The following TSC22D1 variants were observed in gnomAD, a reference collection of about 807,000 sequenced individuals.
TSC22D1 encodes TSC22 domain family member 1, also known as TSC22 domain family protein 1.
TSC22D1 carries 9 observed loss-of-function variants against 74.2 expected under a neutral mutation model. The observed-to-expected ratio is 0.12, with a 90% CI of 0.07 to 0.21. The LOEUF is 0.21. Ranked by LOEUF, TSC22D1 falls within the 10% of genes least tolerant of loss-of-function variation. The pLI is 1.00. For missense variants in TSC22D1, 1,427 were observed against 1,304.7 expected (o/e 1.09, Z -1.44); for synonymous variants, 586 against 492.5 (o/e 1.19, Z -2.51).
chr13:44,539,400 A>T, intron 1 of TSC22D1: 1 of 985,414 alleles, frequency 1.0e-6, no homozygotes, highest in Non-Finnish European at 1.2e-6. Flanking sequence ...TCAAATGTCC[A>T]GTTTGCCCAA....
At chr13:44,439,403 T>G (rs993611274) in intron 1 of TSC22D1, among the ~76,000 whole-genome samples, 1 of 152,178 alleles carries the variant, frequency 6.6e-6, no homozygotes, top group African/African-American at 2.4e-5. Context: ...AAGACATAAT[T>G]TGAAAAAGAA....
Position 44,434,704 on chromosome 13 carries a change from G to C in TSC22D1, c.3144C>G (p.Pro1048=), listed in dbSNP as rs149395720. Residue 1048 remains proline (P), a synonymous_variant, in exon 3 of 3, where the codon CCC becomes CCG. Coordinates refer to ENST00000458659, the MANE Select transcript of TSC22D1 (RefSeq NM_183422.4). ...TGCCCTGTGGCTGGGTGGTGGCAGG[G>C]GGGGAGCCAGTCTGCAGCTGGGCCT... is the stretch of plus-strand genomic sequence containing the variant. ...QFQAQLQTGS[P]PATTQPQGTT... The C allele has an allele frequency of 1.6e-5, 26 of 1,611,718 alleles. No individual in the cohort carries two copies. The Admixed American group carries it at 2.5e-4, about 16-fold the overall frequency.
In TSC22D1 at chr13:44,436,205, T is replaced by C. The variant is rs1199210487; in HGVS notation, c.2913-110A>G. 5.6e-6 allele frequency: 7 copies of C among 1,249,058 alleles called. No homozygotes were observed. In the East Asian group the frequency reaches 1.3e-4, roughly 22 times the overall value. The allele number at this position is 1,249,058 out of a possible 1,614,324, so 77.4% of individuals were successfully genotyped here. ...TATTGCTAGCATCATATTTTGAATG[T>C]TATTTAACACTATGTAATGTATCAC... On this transcript the variant is annotated intron_variant, in intron 1 of 2. Transcript: ENST00000458659.
At chr13:44,563,900 G>A (rs1051890702) in intron 1 of TSC22D1, among the ~76,000 whole-genome samples, 3 of 152,108 alleles carry the variant, frequency 2.0e-5, no homozygotes, top group African/African-American at 7.2e-5. Flanking sequence ...ATTTCATGTT[G>A]CTTAAAACTA....
At chr13:44,469,188 C>A (rs1305393946) in intron 1 of TSC22D1, among the ~76,000 whole-genome samples, 4 of 152,118 alleles carry the variant, frequency 2.6e-5, no homozygotes. Flanking sequence ...GGTAAGCCCC[C>A]AATCTTTATA....
chr13:44,519,764 G>A (rs927657734), intron 1 of TSC22D1, among the ~76,000 whole-genome samples: 6 of 152,108 alleles, frequency 3.9e-5, no homozygotes, highest in Admixed American at 3.3e-4. Flanking sequence ...AGACCAATTA[G>A]AACTCTTGCA....
intron 1 of TSC22D1, among the ~76,000 whole-genome samples, chr13:44,437,942 ACTGACCAAATAATTC>A (rs1874872968): frequency 6.6e-6 from 1 of 152,202 alleles, no homozygotes. Flanking sequence ...TCTTGGCCAC[ACTGACCAAATAATTC>A]CCTTCTCCAA....
chr13:44,523,783 G>C (rs1195803147), intron 1 of TSC22D1, among the ~76,000 whole-genome samples: 15 of 152,190 alleles, frequency 9.9e-5, no homozygotes, highest in Non-Finnish European at 4.4e-5. Context: ...TCTTGATAAT[G>C]AAAGTGAACA....
intron 1 of TSC22D1, chr13:44,536,631 TA>T: frequency 3.2e-6 from 2 of 627,614 alleles, no homozygotes; most frequent in Non-Finnish European, 4.0e-6. Context: ...TTCTTCTGGG[TA>T]AAGGAACTGT....
At chr13:44,509,785 C>T (rs1879603611) in intron 1 of TSC22D1, among the ~76,000 whole-genome samples, 1 of 151,416 alleles carries the variant, frequency 6.6e-6, no homozygotes, top group South Asian at 2.1e-4. Flanking sequence ...AAGAAAGATA[C>T]CTTCTAAATC....
intron 1 of TSC22D1, among the ~76,000 whole-genome samples, chr13:44,505,096 G>A (rs1879386507): frequency 6.6e-6 from 1 of 152,112 alleles, no homozygotes; most frequent in Non-Finnish European, 1.5e-5. Flanking sequence ...AGTACTCACA[G>A]GTTTGCCATT....
Position 44,573,968 on chromosome 13 carries a change from C to T in TSC22D1, c.2107G>A (p.Ala703Thr), listed in dbSNP as rs769982509. The change falls in exon 1 of 3, where the codon GCA becomes ACA. Residue 703 changes from alanine to threonine, a missense_variant. Ala to Thr is a moderately conservative substitution (Grantham distance 58, BLOSUM62 0). Around this residue, in one of 3 missense-constraint regions of TSC22D1, gnomAD observed 1,343 missense variants for 1,191.5 expected, o/e 1.13. Transcript: ENST00000458659. ...QLPVQPTAVP[A>T]QPAGASVQPV... is the part of the protein sequence containing the mutation. ...TGGACAGATGCCCCTGCAGGTTGTG[C>T]TGGGACTGCTGTGGGCTGCACTGGC... 6.2e-7 allele frequency: 1 copy of T among 1,614,074 alleles called. No individual in the cohort carries two copies. Among genetic ancestry groups the T allele is most frequent in the South Asian group, 1.1e-5 (1 of 91,092 alleles).
At chr13:44,474,625 G>GA (rs1228253598) in intron 1 of TSC22D1, among the ~76,000 whole-genome samples, 6 of 151,860 alleles carry the variant, frequency 4.0e-5, no homozygotes, top group Admixed American at 3.3e-4. Flanking sequence ...TGTCAGAGGT[G>GA]AAAAAACAAT....
rs370090879 is a variant in TSC22D1, at chr13:44,516,192, C to A, written c.2912+56971G>T. 7.1e-5 allele frequency: 19 copies of A among 268,910 alleles called. No homozygotes were observed. In the East Asian group the frequency reaches 1.1e-3, roughly 16 times the overall value. The allele number at this position is 268,910 out of a possible 1,614,324, so 16.7% of individuals were successfully genotyped here. ...TTACTTGACCTGCAGAACTTTAGCA[C>A]CTATGCTACTAAAAAAAAAGTTCTC... is the stretch of plus-strand genomic sequence containing the variant. On this transcript the variant is annotated intron_variant, in intron 1 of 2. Coordinates refer to ENST00000458659, the MANE Select transcript of TSC22D1 (RefSeq NM_183422.4).
At chr13:44,437,734 G>A (rs1282316750) in intron 1 of TSC22D1, among the ~76,000 whole-genome samples, 3 of 152,160 alleles carry the variant, frequency 2.0e-5, no homozygotes, top group Non-Finnish European at 4.4e-5. Context: ...ATTCCTCTAA[G>A]ACTCAATCCC....
chr13:44,517,762 T>TATATACATATATACATATATAC (rs1273963739), intron 1 of TSC22D1, among the ~76,000 whole-genome samples: 1 of 47,234 alleles, frequency 2.1e-5, no homozygotes, highest in Non-Finnish European at 5.8e-5. Context: ...TATGTGTGTG[T>TATATACATATATACATATATAC]GTATATATAT....
chr13:44,506,683 A>G (rs1162552915), intron 1 of TSC22D1, among the ~76,000 whole-genome samples: 1 of 152,200 alleles, frequency 6.6e-6, no homozygotes. Context: ...GCTAGAAGGG[A>G]ACAGGGAAAA....
intron 1 of TSC22D1, among the ~76,000 whole-genome samples, chr13:44,517,262 C>G (rs1433670382): frequency 6.6e-6 from 1 of 151,938 alleles, no homozygotes; most frequent in Non-Finnish European, 1.5e-5. Flanking sequence ...ACACAATGTG[C>G]TCTTATGTAT....
At chr13:44,524,613 C>T (rs1444786565) in intron 1 of TSC22D1, among the ~76,000 whole-genome samples, 2 of 152,168 alleles carry the variant, frequency 1.3e-5, no homozygotes, top group African/African-American at 4.8e-5. Flanking sequence ...ATGGCGCGAT[C>T]TTGGCTCACT....
Sources: allele counts gnomAD v4.1 joint callset (sites outside exome capture counted in the v4.1 genomes callset), GRCh38; gene constraint gnomAD v4.1.1; regional missense constraint gnomAD v4.1.1; transcripts MANE v1.5; gene names NCBI Gene and HGNC (gene_info 2026-07-23, HGNC 2026-07-21).